Variants in IGF2 observed in about 807,000 individuals in gnomAD.
IGF2 encodes the protein insulin-like growth factor 2.
In IGF2, 2 loss-of-function variants were observed where a neutral mutation model predicts 12.0. That is an observed-to-expected ratio of 0.17 (90% CI 0.07 to 0.52). The LOEUF is 0.52. Ranked by LOEUF, IGF2 falls within the 20% of genes least tolerant of loss-of-function variation. The probability of loss-of-function intolerance (pLI) is 0.95; values close to 1 mark genes in which losing one functional copy is unlikely to be tolerated. For missense variants in IGF2, 211 were observed against 268.0 expected (o/e 0.79, Z 1.48); for synonymous variants, 105 against 110.1 (o/e 0.95, Z 0.29).
chr11:2,133,286 C>G lies in IGF2; in HGVS notation c.307-63G>C. The G allele has an allele frequency of 8.1e-7, 1 of 1,239,652 alleles. No individual in the cohort carries two copies. Among genetic ancestry groups the G allele is most frequent in the Non-Finnish European group, 1.1e-6 (1 of 894,698 alleles). The allele number at this position is 1,239,652 out of a possible 1,614,324, so 76.8% of individuals were successfully genotyped here. A position where few individuals can be genotyped will look rare whatever the true frequency, so the allele number is the denominator to read the frequency against. On this transcript the variant is annotated intron_variant, in intron 3 of 3. Coordinates refer to ENST00000416167, the MANE Select transcript of IGF2 (RefSeq NM_000612.6). The surrounding 1 kb of genome is among the most constrained non-coding windows in gnomAD (Gnocchi z 8.9). ...TCCACGCTCTTCCGCCTGAGCCGCC[C>G]GCCTGACCTGACAGGCCACCCCTGT... is the stretch of plus-strand genomic sequence containing the variant.
At chr11:2,140,105 T>A, upstream of IGF2, 2 of 1,605,794 alleles carry the variant, frequency 1.2e-6, no homozygotes, top group Non-Finnish European at 1.7e-6. Context: ...GGAGAGAGGA[T>A]CAGGGCGGGA....
At chr11:2,145,663 TG>T (rs1249435788), upstream of IGF2, among the ~76,000 whole-genome samples, 1 of 152,172 alleles carries the variant, frequency 6.6e-6, no homozygotes, top group Non-Finnish European at 1.5e-5. Flanking sequence ...AGGGTCACCT[TG>T]GGGTGCCCAC....
chr11:2,132,768 G>A lies in IGF2; in HGVS notation c.*219C>T. ...AGGGTGTTTAAAGCCAATCGATTTT[G>A]TACATGTTTGAAGATGCTGCTGTGC... is the stretch of plus-strand genomic sequence containing the variant. On this transcript the variant is annotated 3_prime_UTR_variant, in exon 4 of 4. Coordinates refer to ENST00000416167, the MANE Select transcript of IGF2 (RefSeq NM_000612.6). 1 of 496,154 alleles carries A rather than the reference G, an allele frequency of 2.0e-6. No individual in the cohort carries two copies. Among genetic ancestry groups the A allele is most frequent in the Non-Finnish European group, 3.6e-6 (1 of 280,132 alleles). The allele number at this position is 496,154 out of a possible 1,614,324, so 30.7% of individuals were successfully genotyped here.
intron 2 of IGF2, chr11:2,134,199 T>C: frequency 2.1e-6 from 1 of 474,464 alleles, no homozygotes; most frequent in Non-Finnish European, 4.3e-6. Context: ...TTTCCTCCCG[T>C]CTTCCCCCTC....
chr11:2,129,776 G>A lies in IGF2; in HGVS notation c.*3211C>T, dbSNP rs535313871. 5.2e-5 allele frequency: 12 copies of A among 231,982 alleles called. No individual in the cohort carries two copies. The South Asian group carries it at 5.4e-4, about 10-fold the overall frequency. The allele number at this position is 231,982 out of a possible 1,614,324, so 14.4% of individuals were successfully genotyped here. A position where few individuals can be genotyped will look rare whatever the true frequency, so the allele number is the denominator to read the frequency against. On this transcript the variant is annotated 3_prime_UTR_variant, in exon 4 of 4. Coordinates refer to ENST00000416167, the MANE Select transcript of IGF2 (RefSeq NM_000612.6). The surrounding 1 kb of genome is among the most constrained non-coding windows in gnomAD (Gnocchi z 8.1). ...GCCTCAGGCCTCTAGACTGCTAGTCGGGCTGCGTGCAGGGGGGCTGAGCTG... is the reference window on the plus strand; with the variant it reads ...GCCTCAGGCCTCTAGACTGCTAGTCAGGCTGCGTGCAGGGGGGCTGAGCTG...
At chr11:2,148,817 C>A in the IGF2 span, 1 of 404,948 alleles carries the variant, frequency 2.5e-6, no homozygotes, top group Admixed American at 4.1e-5. This position sits in a 1 kb window ranked among gnomAD's most constrained non-coding sequence, Gnocchi z 4.3. Context: ...AGCGGCCTAG[C>A]CCTCCTCCCC....
chr11:2,140,114 G>A, upstream of IGF2: 1 of 1,609,834 alleles, frequency 6.2e-7, no homozygotes, highest in Non-Finnish European at 8.5e-7. Flanking sequence ...ATCAGGGCGG[G>A]AAACACAGCT....
chr11:2,137,603 C>T (rs549446240), intron 1 of IGF2, among the ~76,000 whole-genome samples: 4 of 152,182 alleles, frequency 2.6e-5, no homozygotes, highest in Non-Finnish European at 5.9e-5. Flanking sequence ...GCCGCGGCCT[C>T]TCTCCGGGTC....
At chr11:2,146,002 C>A (rs923915635), upstream of IGF2, among the ~76,000 whole-genome samples, 1 of 152,188 alleles carries the variant, frequency 6.6e-6, no homozygotes, top group Non-Finnish European at 1.5e-5. Flanking sequence ...CAGAGCTTGG[C>A]CGGCAGGAAC....
At chr11:2,140,863 G>A, upstream of IGF2, 1 of 358,114 alleles carries the variant, frequency 2.8e-6, no homozygotes, top group Non-Finnish European at 5.4e-6. Flanking sequence ...TCACCGCGAA[G>A]CTGGAGGCTG....
chr11:2,131,949 G>C lies in IGF2; in HGVS notation c.*1038C>G, dbSNP rs561453232. On this transcript the variant is annotated 3_prime_UTR_variant, in exon 4 of 4. Coordinates refer to ENST00000416167, the MANE Select transcript of IGF2 (RefSeq NM_000612.6). Reference sequence around the variant, plus strand: ...ATGTGTGTGCGTGTGTGTGCCGTGCGTTTGTGTGCTGTGTGTGCATGTGTG... The same window carrying C: ...ATGTGTGTGCGTGTGTGTGCCGTGCCTTTGTGTGCTGTGTGTGCATGTGTG... The C allele has an allele frequency of 6.2e-6, 1 of 161,976 alleles. No individual in the cohort carries two copies. The highest frequency in any genetic ancestry group is 2.8e-5 in the African/African-American group (1 of 35,266). 10.0% of individuals were successfully genotyped at this position (161,976 alleles called of 1,614,324 possible). A position where few individuals can be genotyped will look rare whatever the true frequency, so the allele number is the denominator to read the frequency against.
upstream of IGF2, among the ~76,000 whole-genome samples, chr11:2,145,821 C>T (rs949409248): frequency 1.6e-4 from 24 of 152,028 alleles, no homozygotes; most frequent in African/African-American, 5.1e-4. Flanking sequence ...CTGGGGCAGA[C>T]GCGGGTCACC....
the IGF2 span, chr11:2,149,513 T>G: frequency 1.5e-6 from 1 of 666,584 alleles, no homozygotes; most frequent in Non-Finnish European, 2.5e-6. Flanking sequence ...CCCTCCGAAT[T>G]TGGGGAGCTT....
At chr11:2,137,954 C>A (rs560128987) in intron 1 of IGF2, among the ~76,000 whole-genome samples, 270 of 152,274 alleles carry the variant, frequency 1.8e-3, no homozygotes, top group African/African-American at 5.8e-3. Flanking sequence ...ACCGGGAAGT[C>A]GCCCCTGCAG....
chr11:2,135,952 C>T (rs888434405), intron 1 of IGF2, among the ~76,000 whole-genome samples: 3 of 152,184 alleles, frequency 2.0e-5, no homozygotes, highest in Non-Finnish European at 1.5e-5. Context: ...AGGCCTCCAG[C>T]GCCAGCCAAG....
chr11:2,148,072 G>A, the IGF2 span: 2 of 359,800 alleles, frequency 5.6e-6, no homozygotes, highest in African/African-American at 4.2e-5. The surrounding 1 kb of genome is among the most constrained non-coding windows in gnomAD (Gnocchi z 4.3). Flanking sequence ...AGACCCTTCT[G>A]TTGGACAGGC....
At chr11:2,144,867 C>T (rs1207501170), upstream of IGF2, among the ~76,000 whole-genome samples, 1 of 152,106 alleles carries the variant, frequency 6.6e-6, no homozygotes, top group Non-Finnish European at 1.5e-5. Context: ...TCCCCATTGT[C>T]ACCCCATAGG....
upstream of IGF2, among the ~76,000 whole-genome samples, chr11:2,141,877 T>A (rs1172812613): frequency 6.6e-6 from 1 of 152,226 alleles, no homozygotes; most frequent in Non-Finnish European, 1.5e-5. Context: ...TCTATGCTAA[T>A]TTTTAAATGA....
At chr11:2,136,349 G>A (rs771668826) in intron 1 of IGF2, among the ~76,000 whole-genome samples, 4 of 152,320 alleles carry the variant, frequency 2.6e-5, no homozygotes, top group South Asian at 2.1e-4. Flanking sequence ...CCCTATTTGC[G>A]CTACCAAACT....
Sources: allele counts gnomAD v4.1 joint callset (sites outside exome capture counted in the v4.1 genomes callset), GRCh38; gene constraint gnomAD v4.1.1; non-coding constraint Gnocchi (gnomAD v3.1); transcripts MANE v1.5; gene names NCBI Gene and HGNC (gene_info 2026-07-23, HGNC 2026-07-21).